SEMA3C: variants seen among roughly 807,000 people sequenced by gnomAD.
The protein encoded by SEMA3C is semaphorin-3C.
Under a neutral mutation model 89.4 loss-of-function variants are expected in SEMA3C, and 47 were observed. That is an observed-to-expected ratio of 0.53 (90% CI 0.42 to 0.67). The LOEUF is 0.67. SEMA3C is among the 30% of genes least tolerant of loss of function. The pLI, the probability that SEMA3C is intolerant of heterozygous loss-of-function variation, is 0.00. For synonymous variants in SEMA3C, 310 were observed against 320.2 expected, an observed-to-expected ratio of 0.97 and a Z score of 0.34; for missense variants, 839 against 929.1, an observed-to-expected ratio of 0.90 and a Z score of 1.26.
intron 13 of SEMA3C, among the ~76,000 whole-genome samples, chr7:80,764,146 C>T (rs1370670176): frequency 6.6e-6 from 1 of 152,204 alleles, no homozygotes; most frequent in African/African-American, 2.4e-5. Context: ...GGAATGTCTA[C>T]TAATGAGTCA....
intron 2 of SEMA3C, among the ~76,000 whole-genome samples, chr7:80,831,342 T>C (rs1562895911): frequency 6.6e-6 from 1 of 152,198 alleles, no homozygotes; most frequent in East Asian, 1.9e-4. Flanking sequence ...CATTGGGTTG[T>C]TGTGAAGTTT....
intron 2 of SEMA3C, among the ~76,000 whole-genome samples, chr7:80,844,198 T>C (rs1049172871): frequency 3.3e-5 from 5 of 152,116 alleles, no homozygotes; most frequent in African/African-American, 4.8e-5. Flanking sequence ...TTAATGCACA[T>C]ACGAAATATG....
At chr7:80,907,669 A>G (rs1792047394) in intron 2 of SEMA3C, among the ~76,000 whole-genome samples, 1 of 152,114 alleles carries the variant, frequency 6.6e-6, no homozygotes. Context: ...TTAGTATGTA[A>G]TAATGTTTAG....
chr7:80,880,207 C>T (rs1236649919), intron 2 of SEMA3C, among the ~76,000 whole-genome samples: 1 of 152,158 alleles, frequency 6.6e-6, no homozygotes, highest in Non-Finnish European at 1.5e-5. Flanking sequence ...CATTTAATAC[C>T]ACAGTCTGCC....
Position 80,905,335 on chromosome 7 carries a change from G to GGA in SEMA3C, c.103+11342_103+11343dup, listed in dbSNP as rs145855042. ...GAGAGGGGGAGAGAGGGGGAGGGGT[G>GGA]GAGAGAGAGAGAGAGAGAGACACCA... is the stretch of plus-strand genomic sequence containing the variant. On this transcript the variant is annotated intron_variant, in intron 2 of 17. Coordinates refer to ENST00000265361, the MANE Select transcript of SEMA3C (RefSeq NM_006379.5). Among the ~76,000 whole-genome samples, 251 of 118,944 alleles carry GGA rather than the reference G, an allele frequency of 2.1e-3. 2 individuals are homozygous for GGA. Among genetic ancestry groups the GGA allele is most frequent in the African/African-American group, 7.1e-3 (210 of 29,778 alleles). 78.0% of individuals were successfully genotyped at this position (118,944 alleles called of 152,430 possible). A position where few individuals can be genotyped will look rare whatever the true frequency, so the allele number is the denominator to read the frequency against.
chr7:80,897,615 A>C (rs73374880), intron 2 of SEMA3C, among the ~76,000 whole-genome samples: 3,913 of 152,298 alleles, frequency 0.026, 150 homozygotes, highest in African/African-American at 0.085. Flanking sequence ...AATTAGAAAA[A>C]CTGAAGAGAA....
At chr7:80,872,799 A>C (rs755516391) in intron 2 of SEMA3C, among the ~76,000 whole-genome samples, 9,401 of 133,402 alleles carry the variant, frequency 0.07, 117 homozygotes, top group African/African-American at 0.13. Flanking sequence ...GACTCTGTCA[A>C]AAAAAAAAAA....
At chr7:80,763,295 A>G (rs1788227029) in intron 13 of SEMA3C, among the ~76,000 whole-genome samples, 2 of 152,200 alleles carry the variant, frequency 1.3e-5, no homozygotes, top group Admixed American at 6.5e-5. Context: ...TTATTTCCTC[A>G]CATGCTCATG....
intron 5 of SEMA3C, among the ~76,000 whole-genome samples, chr7:80,812,198 C>G (rs1789485779): frequency 6.6e-6 from 1 of 152,096 alleles, no homozygotes; most frequent in Non-Finnish European, 1.5e-5. Flanking sequence ...ACTGCAGGAC[C>G]TCCCTAAACA....
intron 11 of SEMA3C, chr7:80,796,546 C>T (rs540762718): frequency 1.3e-5 from 2 of 152,144 alleles, no homozygotes; most frequent in East Asian, 3.9e-4. Flanking sequence ...CCAGGATTCC[C>T]CAATCTTAAA....
chr7:80,909,635 C>G (rs2116232254), intron 2 of SEMA3C, among the ~76,000 whole-genome samples: 1 of 152,164 alleles, frequency 6.6e-6, no homozygotes, highest in East Asian at 1.9e-4. Context: ...ATTTTTCACT[C>G]TAAGGCAATA....
Position 80,750,622 on chromosome 7 carries a change from A to T in SEMA3C, c.1711+647T>A, listed in dbSNP as rs530242931. ...ACCTTGAAGACTTTAGGCTAAGTGA[A>T]ATAAGCCAGTCACAAAAGGACAAAT... On this transcript the variant is annotated intron_variant, in intron 16 of 17. Coordinates refer to ENST00000265361, the MANE Select transcript of SEMA3C (RefSeq NM_006379.5). Among the ~76,000 whole-genome samples, 3 of 151,866 alleles carry T rather than the reference A, an allele frequency of 2.0e-5. No individual in the cohort carries two copies. The East Asian group carries it at 5.8e-4, about 29-fold the overall frequency.
At chr7:80,765,617 C>T (rs895387052) in intron 12 of SEMA3C, among the ~76,000 whole-genome samples, 1 of 152,060 alleles carries the variant, frequency 6.6e-6, no homozygotes, top group Non-Finnish European at 1.5e-5. Flanking sequence ...TGCTCTCTTG[C>T]CCAGGCTGGA....
At chr7:80,829,824 T>C (rs2115823116) in intron 2 of SEMA3C, among the ~76,000 whole-genome samples, 1 of 152,274 alleles carries the variant, frequency 6.6e-6, no homozygotes, top group African/African-American at 2.4e-5. Context: ...TCTATTCAAA[T>C]GGTTCAGGAT....
intron 14 of SEMA3C, among the ~76,000 whole-genome samples, chr7:80,759,029 A>G (rs1165782650): frequency 6.6e-6 from 1 of 152,216 alleles, no homozygotes; most frequent in African/African-American, 2.4e-5. Flanking sequence ...CTACTTAAAA[A>G]TAATTATTTA....
chr7:80,913,564 T>G lies in SEMA3C; in HGVS notation c.103+3115A>C, dbSNP rs16886865. On this transcript the variant is annotated intron_variant, in intron 2 of 17. Coordinates refer to ENST00000265361, the MANE Select transcript of SEMA3C (RefSeq NM_006379.5). ...CATGGGCTGCAAGATTGGCCAATAT[T>G]AACTAAGGAAAAACTTATACTAAAA... 5.8e-3 allele frequency among the ~76,000 whole-genome samples: 891 copies of G among 152,344 alleles called. 7 individuals are homozygous for G. The highest frequency in any genetic ancestry group is 0.021 in the East Asian group (109 of 5,186).
chr7:80,800,781 A>G lies in SEMA3C; in HGVS notation c.962T>C (p.Val321Ala), dbSNP rs140244551. Residue 321 changes from valine (V) to alanine (A), a missense_variant, in exon 10 of 18, where the codon GTG (valine) becomes GCG (alanine). Physicochemically the swap from Val to Ala is moderately conservative, Grantham distance 64. Transcript: ENST00000265361. ...LETDNPRTTL[V>A]YGIFTTSSSV... is the part of the protein sequence containing the mutation. The stretch of plus-strand genomic sequence containing the variant: ...CCTTGATGTTGTAAAAATGCCATAC[A>G]CTAGTGTTGTCCTCGGGTTATCAGT... 6.7e-3 allele frequency: 10,225 copies of G among 1,529,686 alleles called. 45 individuals carry two copies. Among genetic ancestry groups the G allele is most frequent in the Non-Finnish European group, 8.1e-3 (9,284 of 1,142,008 alleles). The allele number at this position is 1,529,686 out of a possible 1,614,324, so 94.8% of individuals were successfully genotyped here. A position where few individuals can be genotyped will look rare whatever the true frequency, so the allele number is the denominator to read the frequency against.
At chr7:80,754,784 T>C (rs1788017177) in intron 15 of SEMA3C, among the ~76,000 whole-genome samples, 1 of 151,624 alleles carries the variant, frequency 6.6e-6, no homozygotes, top group South Asian at 2.1e-4. Flanking sequence ...GTTGTTGTTG[T>C]TGTTGTTGTT....
intron 8 of SEMA3C, among the ~76,000 whole-genome samples, chr7:80,803,529 C>T (rs1202422949): frequency 6.6e-6 from 1 of 152,130 alleles, no homozygotes; most frequent in Admixed American, 6.5e-5. Context: ...CAGGATAAGT[C>T]TGTAAAACTC....
Sources: allele counts gnomAD v4.1 joint callset (sites outside exome capture counted in the v4.1 genomes callset), GRCh38; gene constraint gnomAD v4.1.1; transcripts MANE v1.5; gene names NCBI Gene and HGNC (gene_info 2026-07-23, HGNC 2026-07-21).